The following ETNK1 variants were observed in gnomAD, a reference collection of about 807,000 sequenced individuals.
The protein encoded by ETNK1 is putative protein product of Nbla10396.
A neutral mutation model predicts 45.1 loss-of-function variants in ETNK1; 8 were observed. That is an observed-to-expected ratio of 0.18 (90% CI 0.10 to 0.32). The LOEUF (loss-of-function observed/expected upper bound fraction) is 0.32, where lower values mean the gene tolerates loss of function less well. Among genes scored for constraint, ETNK1 ranks in the 10% least tolerant of loss-of-function variants. The pLI, the probability that ETNK1 is intolerant of heterozygous loss-of-function variation, is 1.00. For synonymous variants in ETNK1, 152 were observed against 151.9 expected (o/e 1.00, Z -0.01); for missense variants, 302 against 430.6 (o/e 0.70, Z 2.64).
intron 6 of ETNK1, among the ~76,000 whole-genome samples, chr12:22,677,462 C>G (rs906320013): frequency 6.6e-6 from 1 of 152,078 alleles, no homozygotes; most frequent in Non-Finnish European, 1.5e-5. Context: ...CAGCTTTGTT[C>G]TTTTTGCTTA....
intron 4 of ETNK1, 44 bp downstream of exon 4, chr12:22,661,249 T>G: frequency 6.6e-7 from 1 of 1,516,316 alleles, no homozygotes. Flanking sequence ...ATTTCTTTTA[T>G]GTTCTTAATG....
chr12:22,682,660 T>A (rs552104816), intron 6 of ETNK1, among the ~76,000 whole-genome samples: 1 of 152,298 alleles, frequency 6.6e-6, no homozygotes, highest in African/African-American at 2.4e-5. Context: ...TTTAGTGACA[T>A]TGGCTTTTTA....
intron 1 of ETNK1, among the ~76,000 whole-genome samples, chr12:22,627,567 A>C (rs1275049837): frequency 6.6e-6 from 1 of 152,092 alleles, no homozygotes; most frequent in Non-Finnish European, 1.5e-5. Flanking sequence ...TGCAAACACT[A>C]CTTTCATAAT....
intron 4 of ETNK1, among the ~76,000 whole-genome samples, chr12:22,664,556 AG>A (rs1215366709): frequency 1.3e-5 from 2 of 152,134 alleles, no homozygotes; most frequent in Non-Finnish European, 2.9e-5. Context: ...TAGACATCAC[AG>A]GAAGAAATTT....
intron 6 of ETNK1, among the ~76,000 whole-genome samples, chr12:22,676,960 C>T (rs1226654231): frequency 2.6e-5 from 4 of 151,978 alleles, no homozygotes; most frequent in Non-Finnish European, 5.9e-5. Context: ...CTGTGGGTTG[C>T]CTGTTCACTC....
At chr12:22,666,754 G>A (rs1205754476) in intron 4 of ETNK1, among the ~76,000 whole-genome samples, 1 of 152,058 alleles carries the variant, frequency 6.6e-6, no homozygotes, top group East Asian at 1.9e-4. Flanking sequence ...AGCTTTTTCT[G>A]GGAATTAAAG....
rs200034330 is a variant in ETNK1, at chr12:22,676,856, G to GT, written c.945+3206dup. Among the ~76,000 whole-genome samples the GT allele has an allele frequency of 4.2e-3, 620 of 148,316 alleles. 21 individuals are homozygous for GT. The East Asian group carries it at 0.065, about 15-fold the overall frequency. Reference sequence around the variant, plus strand: ...ATATCCTTTGCCTACGTTTTGATGGGTTTTTTTTTTCTTGTAAATTTGTTT... The same window carrying GT: ...ATATCCTTTGCCTACGTTTTGATGGGTTTTTTTTTTTCTTGTAAATTTGTTT... On this transcript the variant is annotated intron_variant, in intron 6 of 7. Transcript: ENST00000266517.
intron 1 of ETNK1, among the ~76,000 whole-genome samples, chr12:22,626,778 A>G (rs186336104): frequency 1.3e-5 from 2 of 152,334 alleles, no homozygotes; most frequent in East Asian, 3.9e-4. Flanking sequence ...TTTGAAATTT[A>G]AGGGAGTATT....
intron 4 of ETNK1, among the ~76,000 whole-genome samples, chr12:22,661,596 A>C (rs1372145365): frequency 6.6e-6 from 1 of 152,150 alleles, no homozygotes; most frequent in Non-Finnish European, 1.5e-5. Flanking sequence ...TAAATAGAAA[A>C]ATTTTCTCAC....
Position 22,647,300 on chromosome 12 carries a change from A to G in ETNK1, c.416+3278A>G, listed in dbSNP as rs115769693. On this transcript the variant is annotated intron_variant, in intron 2 of 7. Coordinates refer to ENST00000266517, the MANE Select transcript of ETNK1 (RefSeq NM_018638.5). The stretch of plus-strand genomic sequence containing the variant: ...CATAATGGAAGAAATGCAGTTTCAA[A>G]TCAATTGTTGCAAGTTTATCAAAGA... Among the ~76,000 whole-genome samples the G allele has an allele frequency of 5.4e-3, 828 of 152,028 alleles. 5 individuals carry two copies. The highest frequency in any genetic ancestry group is 0.019 in the African/African-American group (784 of 41,540).
chr12:22,650,929 A>G (rs1054087466), intron 2 of ETNK1, among the ~76,000 whole-genome samples: 35 of 152,318 alleles, frequency 2.3e-4, no homozygotes, highest in African/African-American at 7.2e-4. Context: ...TGCTACATAA[A>G]ATTTACCATT....
intron 5 of ETNK1, among the ~76,000 whole-genome samples, chr12:22,671,841 T>TAAA (rs555930582): frequency 2.0e-5 from 2 of 98,220 alleles, no homozygotes; most frequent in African/African-American, 8.8e-5. Context: ...TCCATCTCAT[T>TAAA]AAAAAAAAAA....
rs973746305 is a variant in ETNK1 at position 22,643,580 on chromosome 12, T to G, written c.157-183T>G. 3.3e-5 allele frequency among the ~76,000 whole-genome samples: 5 copies of G among 152,078 alleles called. No homozygotes were observed. In the East Asian group the frequency reaches 5.8e-4, roughly 18 times the overall value. ...AACATGTTAACATTAGTGGTTCTCT[T>G]TGTTTAAATATAGAATTAAAATTAT... On this transcript the variant is annotated intron_variant, in intron 1 of 7. Transcript: ENST00000266517.
At chr12:22,662,667 G>T (rs1954017560) in intron 4 of ETNK1, among the ~76,000 whole-genome samples, 3 of 152,130 alleles carry the variant, frequency 2.0e-5, no homozygotes, top group Admixed American at 1.3e-4. Context: ...TAAAGTGCTG[G>T]GATTACTGGC....
chr12:22,679,559 C>T (rs938858324), intron 6 of ETNK1, among the ~76,000 whole-genome samples: 2 of 152,162 alleles, frequency 1.3e-5, no homozygotes, highest in African/African-American at 4.8e-5. Flanking sequence ...CTAGGCAACC[C>T]TCGATCCAAT....
chr12:22,672,908 T>G (rs1407057852), intron 5 of ETNK1, among the ~76,000 whole-genome samples: 1 of 152,274 alleles, frequency 6.6e-6, no homozygotes, highest in East Asian at 1.9e-4. Flanking sequence ...CTTTTTTGTT[T>G]GCAAGGAATG....
intron 1 of ETNK1, among the ~76,000 whole-genome samples, chr12:22,637,874 A>T (rs914216190): frequency 3.3e-5 from 5 of 151,874 alleles, no homozygotes; most frequent in Non-Finnish European, 7.4e-5. Flanking sequence ...AGAGAGAGAG[A>T]GTGTTTATGT....
At chr12:22,650,624 T>C (rs961656524) in intron 2 of ETNK1, among the ~76,000 whole-genome samples, 4 of 152,052 alleles carry the variant, frequency 2.6e-5, no homozygotes, top group African/African-American at 9.7e-5. Context: ...CCTGAGATAA[T>C]CCCACTTGGT....
chr12:22,660,687 T>C (rs567965135), intron 3 of ETNK1, among the ~76,000 whole-genome samples: 1 of 152,264 alleles, frequency 6.6e-6, no homozygotes, highest in East Asian at 1.9e-4. Context: ...AATAATATAC[T>C]TAAACCTCTA....
Sources: allele counts gnomAD v4.1 joint callset (sites outside exome capture counted in the v4.1 genomes callset), GRCh38; gene constraint gnomAD v4.1.1; transcripts MANE v1.5; gene names NCBI Gene and HGNC (gene_info 2026-07-23, HGNC 2026-07-21).